Variants in HDAC10 observed in about 807,000 individuals in gnomAD.
The protein encoded by HDAC10 is polyamine deacetylase HDAC10.
HDAC10 carries 90 observed loss-of-function variants against 82.3 expected under a neutral mutation model. The ratio of observed to expected loss-of-function variants is 1.09; its 90% CI spans 0.92 to 1.30. The LOEUF is 1.30. Ranked by LOEUF, HDAC10 falls within the 50% of genes most tolerant of loss-of-function variation. The pLI is 0.00. For missense variants in HDAC10, 934 were observed against 876.3 expected, an observed-to-expected ratio of 1.07 and a Z score of -0.83; for synonymous variants, 456 against 391.7, an observed-to-expected ratio of 1.16 and a Z score of -1.94.
In HDAC10 at chr22:50,248,288, G is replaced by C. The variant is rs765754391; in HGVS notation, c.1018C>G (p.Leu340Val). Residue 340 changes from leucine (L) to valine (V), a missense_variant, in exon 12 of 20, where the codon CTA becomes GTA. Transcript: ENST00000216271. This position sits in a 1 kb window ranked among gnomAD's most constrained non-coding sequence, Gnocchi z 5.4. ...GCACGGGCACTCTGGATGGACTCTAGGGCACTGTGAGGGAGACACAACAGT... is the reference window on the plus strand; with the variant it reads ...GCACGGGCACTCTGGATGGACTCTACGGCACTGTGAGGGAGACACAACAGT... ...SGPMAPCQSA[L>V]ESIQSARAAQ... 8.7e-6 allele frequency: 14 copies of C among 1,612,362 alleles called. No individual in the cohort carries two copies. In the East Asian group the frequency reaches 2.9e-4, roughly 33 times the overall value.
intron 16 of HDAC10, 116 bp from the exon 17 acceptor site, chr22:50,246,492 GA>G: frequency 9.4e-7 from 1 of 1,059,820 alleles, no homozygotes; most frequent in Admixed American, 1.8e-5. Context: ...TGTGACTGCT[GA>G]GCCTCTGTGC....
At chr22:50,250,244 G>A in intron 3 of HDAC10, 84 bp from the exon 4 acceptor site, 2 of 1,373,288 alleles carry the variant, frequency 1.5e-6, no homozygotes, top group Non-Finnish European at 2.0e-6. Flanking sequence ...CAGGCTGCAA[G>A]ACACCAGCTG....
In HDAC10 at chr22:50,248,153, C is replaced by G. The variant is rs1357492218; in HGVS notation, c.1082-8G>C. 1 of 1,588,810 alleles carries G rather than the reference C, an allele frequency of 6.3e-7. No individual in the cohort carries two copies. Among genetic ancestry groups the G allele is most frequent in the East Asian group, 2.2e-5 (1 of 44,656 alleles). ...TCGGCACAGCGGTCACATCTAGGGACAGTTCGGAGTCATAGCCACTGCACA... is the reference window on the plus strand; with the variant it reads ...TCGGCACAGCGGTCACATCTAGGGAGAGTTCGGAGTCATAGCCACTGCACA... On this transcript the variant is annotated splice_region_variant and splice_polypyrimidine_tract_variant and intron_variant, in intron 12 of 19. Coordinates refer to ENST00000216271, the MANE Select transcript of HDAC10 (RefSeq NM_032019.6). This position sits in a 1 kb window ranked among gnomAD's most constrained non-coding sequence, Gnocchi z 5.4.
In HDAC10 at chr22:50,247,787, C is replaced by G; in HGVS notation, c.1338-11G>C. The G allele has an allele frequency of 6.2e-7, 1 of 1,612,842 alleles. No homozygotes were observed. The highest frequency in any genetic ancestry group is 8.5e-7 in the Non-Finnish European group (1 of 1,179,874). The stretch of plus-strand genomic sequence containing the variant: ...AGGGACTCGTGTGGCCTGTGGTGGA[C>G]AGACCAGAGGGACACACAGACACGG... On this transcript the variant is annotated splice_polypyrimidine_tract_variant and intron_variant, in intron 13 of 19. Coordinates refer to ENST00000216271, the MANE Select transcript of HDAC10 (RefSeq NM_032019.6).
chr22:50,249,992 A>T lies in HDAC10; in HGVS notation c.390-28T>A. On this transcript the variant is annotated intron_variant, in intron 4 of 19. Coordinates refer to ENST00000216271, the MANE Select transcript of HDAC10 (RefSeq NM_032019.6). This position sits in a 1 kb window ranked among gnomAD's most constrained non-coding sequence, Gnocchi z 4.4. ...ACGGCGTGAGAGTAGGATTTGGGTCACGTCAGGGTCGCCCTGGCCCCTCAC... is the reference window on the plus strand; with the variant it reads ...ACGGCGTGAGAGTAGGATTTGGGTCTCGTCAGGGTCGCCCTGGCCCCTCAC... 1 of 1,610,618 alleles carries T rather than the reference A, an allele frequency of 6.2e-7. No homozygotes were observed. Among genetic ancestry groups the T allele is most frequent in the South Asian group, 1.1e-5 (1 of 91,042 alleles).
Position 50,250,478 on chromosome 22 carries a change from C to T in HDAC10, c.240G>A (p.Lys80=), listed in dbSNP as rs1167367431. ...SLVRETQVLG[K]EELQALSGQF... is the part of the protein sequence containing the mutation. ...GTCCGGACAGCGCCTGCAGCTCCTC[C>T]TTGCCTAGGACCTGGGTCTCCCTGA... is the stretch of plus-strand genomic sequence containing the variant. The change falls in exon 3 of 20, where the codon AAG becomes AAA. Residue 80 remains lysine, a synonymous_variant. Transcript: ENST00000216271. The T allele has an allele frequency of 1.2e-6, 2 of 1,612,804 alleles. No individual in the cohort carries two copies. Among genetic ancestry groups the T allele is most frequent in the Non-Finnish European group, 1.7e-6 (2 of 1,179,962 alleles).
At position 50,249,382 on chromosome 22, in the gene HDAC10, G is replaced by A. The variant is rs761428952; in HGVS notation, c.636C>T (p.Asp212=). ...FWPFLRESDA[D]AVGRGQGLGF... ...CGAGGCCCTGTCCCCGCCCCACTGC[G>A]TCTGCATCTGACTCTCGCAGGAAAG... Residue 212 remains aspartate, a synonymous_variant, in exon 7 of 20, where the codon GAC becomes GAT. Transcript: ENST00000216271. This position sits in a 1 kb window ranked among gnomAD's most constrained non-coding sequence, Gnocchi z 4.4. 27 of 1,612,536 alleles carry A rather than the reference G, an allele frequency of 1.7e-5. No individual in the cohort carries two copies. The highest frequency in any genetic ancestry group is 4.5e-5 in the East Asian group (2 of 44,886).
At chr22:50,250,201 G>T in intron 3 of HDAC10, 41 bp from the exon 4 acceptor site, 1 of 1,560,072 alleles carries the variant, frequency 6.4e-7, no homozygotes, top group South Asian at 1.1e-5. Flanking sequence ...TGCCTTCCCT[G>T]CTGCCCTTTG....
rs1480552122 is a variant in HDAC10 at position 50,249,210 on chromosome 22, G to A, written c.691-42C>T. 3 of 1,465,748 alleles carry A rather than the reference G, an allele frequency of 2.0e-6. No individual in the cohort carries two copies. Among genetic ancestry groups the A allele is most frequent in the Non-Finnish European group, 2.8e-6 (3 of 1,080,126 alleles). 90.8% of individuals were successfully genotyped at this position (1,465,748 alleles called of 1,614,324 possible). ...GGCTACATCCTGAACTGTGGGGCAG[G>A]GGAGGGGCCCGGGGGAGGGGGTGGG... On this transcript the variant is annotated intron_variant, in intron 7 of 19. Transcript: ENST00000216271. The surrounding 1 kb of genome is among the most constrained non-coding windows in gnomAD (Gnocchi z 4.4).
Position 50,248,334 on chromosome 22 carries a change from C to T in HDAC10, c.1013+32G>A, listed in dbSNP as rs1369015453. 1 of 1,611,306 alleles carries T rather than the reference C, an allele frequency of 6.2e-7. No individual in the cohort carries two copies. The highest frequency in any genetic ancestry group is 8.5e-7 in the Non-Finnish European group (1 of 1,179,704). ...ACAGTCGTGACACCTGGTCTCACACCCCGGCCCTGCCCGCCCTACCTCCCC... is the reference window on the plus strand; with the variant it reads ...ACAGTCGTGACACCTGGTCTCACACTCCGGCCCTGCCCGCCCTACCTCCCC... On this transcript the variant is annotated intron_variant, in intron 11 of 19. Coordinates refer to ENST00000216271, the MANE Select transcript of HDAC10 (RefSeq NM_032019.6). The surrounding 1 kb of genome is among the most constrained non-coding windows in gnomAD (Gnocchi z 5.4).
At chr22:50,246,201 A>C in intron 17 of HDAC10, 97 bp downstream of exon 17, 1 of 1,521,914 alleles carries the variant, frequency 6.6e-7, no homozygotes, top group Non-Finnish European at 9.0e-7. Flanking sequence ...GACAGGAAGG[A>C]CCAGAGGCCT....
Position 50,248,525 on chromosome 22 carries a change from G to T in HDAC10, c.907-53C>A. On this transcript the variant is annotated intron_variant, in intron 10 of 19. Coordinates refer to ENST00000216271, the MANE Select transcript of HDAC10 (RefSeq NM_032019.6). The surrounding 1 kb of genome is among the most constrained non-coding windows in gnomAD (Gnocchi z 5.4). ...GGCAGAGATATCACTGGGATGGGAT[G>T]TCACCGGGAGAGCCCCTGCCTGGCT... The T allele has an allele frequency of 6.5e-7, 1 of 1,542,172 alleles. No homozygotes were observed.
Position 50,248,795 on chromosome 22 carries a change from C to T in HDAC10, c.816+36G>A. 1 of 1,603,232 alleles carries T rather than the reference C, an allele frequency of 6.2e-7. No homozygotes were observed. The highest frequency in any genetic ancestry group is 8.5e-7 in the Non-Finnish European group (1 of 1,175,162). ...GTGATGGGGGACCTGGGCCCCAGGA[C>T]CCCAGAAGCCCTCCCTGGCAAGGCA... On this transcript the variant is annotated intron_variant, in intron 9 of 19. Transcript: ENST00000216271. The surrounding 1 kb of genome is among the most constrained non-coding windows in gnomAD (Gnocchi z 5.4).
At chr22:50,250,212 C>T (rs1274967140) in intron 3 of HDAC10, 52 bp from the exon 4 acceptor site, 1 of 1,508,416 alleles carries the variant, frequency 6.6e-7, no homozygotes. Context: ...CTGCCCTTTG[C>T]AGGCCATACC....
At chr22:50,247,390 C>A in intron 14 of HDAC10, 1 of 348,780 alleles carries the variant, frequency 2.9e-6, no homozygotes, top group Non-Finnish European at 5.2e-6. Context: ...ACCTTGGCCC[C>A]CCAAACTGCC....
At chr22:50,247,562 C>T in intron 14 of HDAC10, 130 bp downstream of exon 14, 1 of 675,624 alleles carries the variant, frequency 1.5e-6, no homozygotes, top group Non-Finnish European at 2.5e-6. Flanking sequence ...GTTCCTGGCA[C>T]AAGGCAATGT....
At position 50,249,264 on chromosome 22, in the gene HDAC10, TG is replaced by T; in HGVS notation, c.690+63del. 16 of 771,614 alleles carry T rather than the reference TG, an allele frequency of 2.1e-5. No individual in the cohort carries two copies. Among genetic ancestry groups the T allele is most frequent in the Non-Finnish European group, 2.8e-5 (16 of 568,784 alleles). 47.8% of individuals were successfully genotyped at this position (771,614 alleles called of 1,614,324 possible). On this transcript the variant is annotated intron_variant, in intron 7 of 19. Coordinates refer to ENST00000216271, the MANE Select transcript of HDAC10 (RefSeq NM_032019.6). The surrounding 1 kb of genome is among the most constrained non-coding windows in gnomAD (Gnocchi z 4.4). ...GGACCTGGGGCTTGAGGGTGAACTG[TG>T]GGGGAGGGGAGGGGCCCAGGGGGAG... is the stretch of plus-strand genomic sequence containing the variant.
Position 50,249,582 on chromosome 22 carries a change from T to C in HDAC10, c.563+53A>G. 3.1e-6 allele frequency: 5 copies of C among 1,609,862 alleles called. No individual in the cohort carries two copies. Among genetic ancestry groups the C allele is most frequent in the Non-Finnish European group, 4.2e-6 (5 of 1,177,578 alleles). ...CCCTGGATTTTCCCAGGCCAGGCTGTGCACCCAAAAACTGGGGCTGCAGGG... is the reference window on the plus strand; with the variant it reads ...CCCTGGATTTTCCCAGGCCAGGCTGCGCACCCAAAAACTGGGGCTGCAGGG... On this transcript the variant is annotated intron_variant, in intron 6 of 19. Coordinates refer to ENST00000216271, the MANE Select transcript of HDAC10 (RefSeq NM_032019.6). This position sits in a 1 kb window ranked among gnomAD's most constrained non-coding sequence, Gnocchi z 4.4.
In HDAC10 at chr22:50,247,915, T is replaced by A; in HGVS notation, c.1312A>T (p.Arg438Trp). 6.2e-7 allele frequency: 1 copy of A among 1,612,738 alleles called. No individual in the cohort carries two copies. Among genetic ancestry groups the A allele is most frequent in the Non-Finnish European group, 8.5e-7 (1 of 1,179,956 alleles). Reference sequence around the variant, plus strand: ...CTGGCCCAGGCTTCTGTCTCCTCCCTCAGGGCTGACGCTTCCTGTTGGATG... The same window carrying A: ...CTGGCCCAGGCTTCTGTCTCCTCCCACAGGGCTGACGCTTCCTGTTGGATG... ...DVIQQEASALREETEAWARPH... is the reference protein window; with the variant it reads ...DVIQQEASALWEETEAWARPH... Residue 438 changes from arginine to tryptophan, a missense_variant, in exon 13 of 20, where the codon AGG becomes TGG. Physicochemically the swap from Arg to Trp is moderately radical, Grantham distance 101. Coordinates refer to ENST00000216271, the MANE Select transcript of HDAC10 (RefSeq NM_032019.6).
Sources: allele counts gnomAD v4.1 joint callset, GRCh38; gene constraint gnomAD v4.1.1; non-coding constraint Gnocchi (gnomAD v3.1); transcripts MANE v1.5; gene names NCBI Gene and HGNC (gene_info 2026-07-23, HGNC 2026-07-21).